The following PGPEP1L variants were observed in gnomAD, a reference collection of about 807,000 sequenced individuals.
PGPEP1L encodes the protein pyroglutamyl-peptidase 1-like protein.
PGPEP1L carries 7 observed loss-of-function variants against 6.0 expected under a neutral mutation model. The ratio of observed to expected loss-of-function variants is 1.17; its 90% CI spans 0.66 to 2.19. PGPEP1L has a LOEUF of 2.19. Ranked by LOEUF, PGPEP1L falls within the 30% of genes most tolerant of loss-of-function variation. The pLI is 0.00. For missense variants in PGPEP1L, 209 were observed against 192.5 expected (o/e 1.09, Z -0.51); for synonymous variants, 103 against 83.9 (o/e 1.23, Z -1.24).
chr15:99,006,048 AAG>A lies in PGPEP1L; in HGVS notation c.-369-394_-369-393del, dbSNP rs543889445. ...ATATGTGAGATGTGAGCAGAAAAAAAAGAGAGAAAACCATAGATGAATCTTAT... is the reference window on the plus strand; with the variant it reads ...ATATGTGAGATGTGAGCAGAAAAAAAAGAGAAAACCATAGATGAATCTTAT... On this transcript the variant is annotated intron_variant, in intron 1 of 4. Coordinates refer to ENST00000535714, the MANE Select transcript of PGPEP1L (RefSeq NM_001167902.2). 3.8e-3 allele frequency among the ~76,000 whole-genome samples: 584 copies of A among 152,342 alleles called. 6 individuals carry two copies. The highest frequency in any genetic ancestry group is 0.017 in the Middle Eastern group (5 of 294).
intron 2 of PGPEP1L, among the ~76,000 whole-genome samples, chr15:98,971,666 C>G (rs1001908663): frequency 2.6e-5 from 4 of 152,184 alleles, no homozygotes; most frequent in African/African-American, 9.7e-5. Context: ...AAGGGTTCAA[C>G]TTGAAAGAAA....
At chr15:99,006,052 G>T (rs782809387) in intron 1 of PGPEP1L, among the ~76,000 whole-genome samples, 1 of 152,206 alleles carries the variant, frequency 6.6e-6, no homozygotes, top group Non-Finnish European at 1.5e-5. Context: ...AAAAAAAAGA[G>T]AGAAAACCAT....
At position 98,968,598 on chromosome 15, in the gene PGPEP1L, G is replaced by C. The variant is rs2151752578; in HGVS notation, c.309C>G (p.Ser103Arg). 6.2e-7 allele frequency: 1 copy of C among 1,610,430 alleles called. No individual in the cohort carries two copies. The highest frequency in any genetic ancestry group is 2.2e-5 in the East Asian group (1 of 44,800). ...VPPLSRGLPA[S>R]LLGRALRVII... is the part of the protein sequence containing the mutation. The stretch of plus-strand genomic sequence containing the variant: ...TGACTCTCAAGGCTCTTCCCAGCAG[G>C]CTGGCCGGGAGCCCGCGCGATAGTG... The change falls in exon 5 of 5, where the codon AGC (serine) becomes AGG (arginine). Residue 103 changes from serine to arginine, a missense_variant. By Grantham distance (110) the Ser-to-Arg change is moderately radical. Coordinates refer to ENST00000535714, the MANE Select transcript of PGPEP1L (RefSeq NM_001167902.2).
chr15:99,001,973 T>C (rs1303836859), intron 2 of PGPEP1L, among the ~76,000 whole-genome samples: 1 of 152,128 alleles, frequency 6.6e-6, no homozygotes, highest in Non-Finnish European at 1.5e-5. Context: ...CCTCTGGGCT[T>C]CTCAAAGTGC....
intron 1 of PGPEP1L, among the ~76,000 whole-genome samples, chr15:99,006,891 T>C (rs1410960182): frequency 2.6e-5 from 4 of 152,174 alleles, no homozygotes; most frequent in African/African-American, 9.7e-5. Context: ...TCTGTCCCCA[T>C]CTAGGTCTGG....
Position 98,991,052 on chromosome 15 carries a change from A to C in PGPEP1L, c.-142+14377T>G, listed in dbSNP as rs538842937. Among the ~76,000 whole-genome samples, 18 of 152,338 alleles carry C rather than the reference A, an allele frequency of 1.2e-4. No homozygotes were observed. In the South Asian group the frequency reaches 3.7e-3, roughly 32 times the overall value. On this transcript the variant is annotated intron_variant, in intron 2 of 4. Transcript: ENST00000535714. The stretch of plus-strand genomic sequence containing the variant: ...AACACCCTAACATCACAATTAAAAG[A>C]ACTAGGGAAGCAAGAACAAATTCAA...
intron 2 of PGPEP1L, among the ~76,000 whole-genome samples, chr15:99,002,332 A>C (rs2017984638): frequency 1.3e-5 from 2 of 152,186 alleles, no homozygotes; most frequent in Non-Finnish European, 2.9e-5. Flanking sequence ...GATTATACAG[A>C]TGGAGAACAG....
At chr15:98,977,845 G>C (rs1233097399) in intron 2 of PGPEP1L, among the ~76,000 whole-genome samples, 1 of 152,204 alleles carries the variant, frequency 6.6e-6, no homozygotes, top group Non-Finnish European at 1.5e-5. Context: ...TATTTTACAA[G>C]CACTGTTATT....
intron 3 of PGPEP1L, 140 bp downstream of exon 3, chr15:98,970,896 A>C: frequency 1.6e-6 from 2 of 1,238,398 alleles, no homozygotes; most frequent in Non-Finnish European, 2.2e-6. Context: ...TTACACAATC[A>C]GCTGGGACCT....
Position 98,968,555 on chromosome 15 carries a change from C to G in PGPEP1L, c.352G>C (p.Glu118Gln). 1 of 1,597,384 alleles carries G rather than the reference C, an allele frequency of 6.3e-7. No individual in the cohort carries two copies. Among genetic ancestry groups the G allele is most frequent in the Non-Finnish European group, 8.5e-7 (1 of 1,171,786 alleles). ...ALRVIIQEMLEEVGKPKHRAQ... is the reference protein window; with the variant it reads ...ALRVIIQEMLQEVGKPKHRAQ... Reference sequence around the variant, plus strand: ...CTGTGCTTGGGCTTTCCCACCTCTTCCAGCATTTCCTGGATGATGACTCTC... The same window carrying G: ...CTGTGCTTGGGCTTTCCCACCTCTTGCAGCATTTCCTGGATGATGACTCTC... Residue 118 changes from glutamate to glutamine, a missense_variant, in exon 5 of 5, where the codon GAA (glutamate) becomes CAA (glutamine). Transcript: ENST00000535714.
At chr15:98,992,713 T>C (rs2017835852) in intron 2 of PGPEP1L, among the ~76,000 whole-genome samples, 1 of 152,116 alleles carries the variant, frequency 6.6e-6, no homozygotes, top group Non-Finnish European at 1.5e-5. Flanking sequence ...AAGGCTGCAG[T>C]AACAAAAACA....
chr15:99,005,293 A>T (rs1256466814), intron 2 of PGPEP1L, 136 bp downstream of exon 2: 2 of 152,268 alleles, frequency 1.3e-5, no homozygotes, highest in African/African-American at 4.8e-5. Context: ...TTCCATCTGG[A>T]ATTATTAGCA....
At position 98,968,551 on chromosome 15, in the gene PGPEP1L, T is replaced by TC. The variant is rs2017437653; in HGVS notation, c.355dup (p.Glu119GlyfsTer32). On this transcript the variant is annotated frameshift_variant, in exon 5 of 5. Transcript: ENST00000535714. LOFTEE classifies it low-confidence loss of function (END_TRUNC). Reference sequence around the variant, plus strand: ...GGCTCTGTGCTTGGGCTTTCCCACCTCTTCCAGCATTTCCTGGATGATGAC... The same window carrying TC: ...GGCTCTGTGCTTGGGCTTTCCCACCTCCTTCCAGCATTTCCTGGATGATGAC... The TC allele has an allele frequency of 1.2e-6, 2 of 1,605,698 alleles. No individual in the cohort carries two copies. Among genetic ancestry groups the TC allele is most frequent in the Non-Finnish European group, 1.7e-6 (2 of 1,176,500 alleles).
chr15:98,982,216 C>T (rs1429868450), intron 2 of PGPEP1L, among the ~76,000 whole-genome samples: 2 of 152,198 alleles, frequency 1.3e-5, no homozygotes, highest in African/African-American at 4.8e-5. Context: ...TCTCCTCCAC[C>T]AAGGTGTGGA....
intron 2 of PGPEP1L, among the ~76,000 whole-genome samples, chr15:98,990,443 G>A (rs545630654): frequency 6.6e-6 from 1 of 152,252 alleles, no homozygotes; most frequent in South Asian, 2.1e-4. Flanking sequence ...CCCAATATAG[G>A]AGCACCCAGA....
At chr15:98,973,831 A>C (rs1258163522) in intron 2 of PGPEP1L, among the ~76,000 whole-genome samples, 1 of 152,188 alleles carries the variant, frequency 6.6e-6, no homozygotes, top group Non-Finnish European at 1.5e-5. Flanking sequence ...CATTAGTAGA[A>C]GGAAAGAAAT....
intron 2 of PGPEP1L, among the ~76,000 whole-genome samples, chr15:98,998,642 T>C (rs1478592503): frequency 6.6e-6 from 1 of 152,080 alleles, no homozygotes; most frequent in African/African-American, 2.4e-5. Context: ...GCCTCACCCC[T>C]TACACAAAAC....
intron 4 of PGPEP1L, 131 bp downstream of exon 4, chr15:98,969,294 A>G: frequency 8.8e-7 from 1 of 1,138,340 alleles, no homozygotes; most frequent in Non-Finnish European, 1.3e-6. Context: ...AAGAGGGGCA[A>G]TCTGGGGGCG....
At chr15:98,984,954 C>A (rs930994325) in intron 2 of PGPEP1L, among the ~76,000 whole-genome samples, 1 of 151,976 alleles carries the variant, frequency 6.6e-6, no homozygotes, top group Non-Finnish European at 1.5e-5. Context: ...GAAACTGCTG[C>A]TTCCAGATGC....
Sources: gnomAD v4.1 joint callset for allele counts (sites outside exome capture counted in the v4.1 genomes callset) on GRCh38, gnomAD v4.1.1 for gene constraint, MANE v1.5 for transcripts, NCBI Gene and HGNC (gene_info 2026-07-23, HGNC 2026-07-21) for gene names.